Variants in SCG5 observed in about 807,000 individuals in gnomAD.
SCG5 encodes the protein neuroendocrine protein 7B2.
Under a neutral mutation model 25.7 loss-of-function variants are expected in SCG5, and 18 were observed. That is an observed-to-expected ratio of 0.70 (90% CI 0.48 to 1.04). SCG5 has a LOEUF of 1.04. Among genes scored for constraint, SCG5 ranks in the 50% least tolerant of loss-of-function variants. The pLI, the probability that SCG5 is intolerant of heterozygous loss-of-function variation, is 0.00. For synonymous variants in SCG5, 101 were observed against 91.7 expected (o/e 1.10, Z -0.58); for missense variants, 206 against 259.8 (o/e 0.79, Z 1.42).
intron 2 of SCG5, among the ~76,000 whole-genome samples, chr15:32,645,672 G>A (rs923247304): frequency 6.6e-6 from 1 of 152,032 alleles, no homozygotes. Context: ...AACCATAAGT[G>A]TAAAGGCATG....
Position 32,691,774 on chromosome 15 carries a change from C to T in SCG5, c.543+11C>T, listed in dbSNP as rs147460595. The T allele has an allele frequency of 1.1e-4, 185 of 1,611,890 alleles. No individual in the cohort carries two copies. The East Asian group carries it at 3.9e-3, about 34-fold the overall frequency. Reference sequence around the variant, plus strand: ...AGACGAAAGCGGAGGGTAACACGTGCCTGGCTGGATTGTTGCGGGGATGCT... The same window carrying T: ...AGACGAAAGCGGAGGGTAACACGTGTCTGGCTGGATTGTTGCGGGGATGCT... On this transcript the variant is annotated intron_variant, in intron 5 of 5. Transcript: ENST00000300175.
chr15:32,684,371 G>T (rs1024007832), intron 3 of SCG5, 186 bp from the exon 4 acceptor site: 1 of 582,926 alleles, frequency 1.7e-6, no homozygotes, highest in African/African-American at 1.9e-5. Flanking sequence ...CTGCACAGGA[G>T]TGGGAGTTTG....
At chr15:32,661,109 G>A (rs1207542213) in intron 2 of SCG5, among the ~76,000 whole-genome samples, 2 of 152,212 alleles carry the variant, frequency 1.3e-5, no homozygotes, top group East Asian at 3.8e-4. Context: ...ATCATATGCA[G>A]ATGATTCTAT....
At chr15:32,647,764 G>T (rs2053967058) in intron 2 of SCG5, among the ~76,000 whole-genome samples, 2 of 152,200 alleles carry the variant, frequency 1.3e-5, no homozygotes, top group African/African-American at 2.4e-5. Context: ...CAAAGTAGCA[G>T]GGCGAGGAAA....
intron 1 of SCG5, among the ~76,000 whole-genome samples, chr15:32,642,556 GAA>G (rs1167926024): frequency 2.1e-5 from 2 of 93,082 alleles, no homozygotes; most frequent in Non-Finnish European, 3.9e-5. Context: ...CAACAAGAGT[GAA>G]ACTCCGTCTC....
At chr15:32,674,149 C>A (rs76727364) in intron 2 of SCG5, among the ~76,000 whole-genome samples, 11,209 of 152,216 alleles carry the variant, frequency 0.074, 497 homozygotes, top group Non-Finnish European at 0.096. Context: ...TATTCTCCTG[C>A]TGTTTAAAGT....
chr15:32,656,796 C>A (rs531348406), intron 2 of SCG5, among the ~76,000 whole-genome samples: 1 of 152,118 alleles, frequency 6.6e-6, no homozygotes, highest in Non-Finnish European at 1.5e-5. Context: ...CTGTCGAAGG[C>A]GGCTGGAAGG....
At chr15:32,671,347 GA>G (rs949645843) in intron 2 of SCG5, among the ~76,000 whole-genome samples, 6 of 152,230 alleles carry the variant, frequency 3.9e-5, no homozygotes, top group Non-Finnish European at 7.3e-5. Context: ...AAGGATGTGT[GA>G]AAATGACTCT....
chr15:32,679,959 G>A, intron 3 of SCG5, 44 bp downstream of exon 3: 1 of 1,536,430 alleles, frequency 6.5e-7, no homozygotes. Flanking sequence ...TTGGGGCTTT[G>A]GAAGGAAATC....
At chr15:32,645,716 AAAAAT>A (rs1463683674) in intron 2 of SCG5, among the ~76,000 whole-genome samples, 1 of 152,226 alleles carries the variant, frequency 6.6e-6, no homozygotes, top group African/African-American at 2.4e-5. Context: ...CAAAAACTAA[AAAAAT>A]AAAAGGCATG....
chr15:32,654,494 G>C (rs1434242483), intron 2 of SCG5, among the ~76,000 whole-genome samples: 4 of 152,210 alleles, frequency 2.6e-5, no homozygotes, highest in Non-Finnish European at 5.9e-5. Flanking sequence ...TTCCTCTTCT[G>C]TCTGTCCAGC....
intron 2 of SCG5, among the ~76,000 whole-genome samples, chr15:32,647,333 A>G (rs1199585886): frequency 6.6e-6 from 1 of 152,244 alleles, no homozygotes; most frequent in African/African-American, 2.4e-5. Flanking sequence ...CACATGGTAC[A>G]TAGAAGACAA....
intron 2 of SCG5, among the ~76,000 whole-genome samples, chr15:32,663,974 G>T (rs11632232): frequency 0.25 from 36,933 of 147,764 alleles, 4,523 homozygotes; most frequent in East Asian, 0.28. Flanking sequence ...CCTTGTTTAC[G>T]GTTTAGCTGG....
At chr15:32,668,424 G>A (rs10083612) in intron 2 of SCG5, among the ~76,000 whole-genome samples, 60,828 of 152,040 alleles carry the variant, frequency 0.4, 12,645 homozygotes, top group African/African-American at 0.5. Context: ...GAGTCTCCTC[G>A]TTTTAGTCTA....
chr15:32,674,451 G>A (rs1159049740), intron 2 of SCG5, among the ~76,000 whole-genome samples: 1 of 152,168 alleles, frequency 6.6e-6, no homozygotes, highest in Admixed American at 6.5e-5. Context: ...GCTGTTCAGA[G>A]CCAAGTAAAA....
At chr15:32,645,156 A>G (rs1339150558) in intron 2 of SCG5, among the ~76,000 whole-genome samples, 43 of 152,218 alleles carry the variant, frequency 2.8e-4, no homozygotes, top group Admixed American at 2.7e-3. Flanking sequence ...CCGTTACTTC[A>G]AGCACACCTA....
At chr15:32,667,567 G>A (rs2054340683) in intron 2 of SCG5, among the ~76,000 whole-genome samples, 1 of 152,204 alleles carries the variant, frequency 6.6e-6, no homozygotes, top group Non-Finnish European at 1.5e-5. Flanking sequence ...CTTTGTGGCC[G>A]CCTTTGAGTC....
chr15:32,683,908 G>A (rs889439811), intron 3 of SCG5, among the ~76,000 whole-genome samples: 2 of 152,222 alleles, frequency 1.3e-5, no homozygotes, highest in African/African-American at 4.8e-5. Flanking sequence ...AACAGAGTGG[G>A]TCATGTGCAA....
chr15:32,680,983 AT>A (rs2054610489), intron 3 of SCG5, among the ~76,000 whole-genome samples: 1 of 152,168 alleles, frequency 6.6e-6, no homozygotes, highest in Non-Finnish European at 1.5e-5. Context: ...CAATTTCCTT[AT>A]TTGCAAAATG....
Sources: allele counts gnomAD v4.1 joint callset (sites outside exome capture counted in the v4.1 genomes callset), GRCh38; gene constraint gnomAD v4.1.1; transcripts MANE v1.5; gene names NCBI Gene and HGNC (gene_info 2026-07-23, HGNC 2026-07-21).